The following SORBS2 variants were observed in gnomAD, a reference collection of about 807,000 sequenced individuals.
SORBS2 encodes sorbin and SH3 domain containing 2, also known as sorbin and SH3 domain-containing protein 2.
SORBS2 carries 46 observed loss-of-function variants against 97.7 expected under a neutral mutation model. That is an observed-to-expected ratio of 0.47 (90% confidence interval 0.37 to 0.60). The LOEUF (loss-of-function observed/expected upper bound fraction) is 0.60, where lower values mean the gene tolerates loss of function less well. Ranked by LOEUF, SORBS2 falls within the 20% of genes least tolerant of loss-of-function variation. The pLI is 0.00. For missense variants in SORBS2, 1,316 were observed against 1,282.3 expected (o/e 1.03, Z -0.40); for synonymous variants, 476 against 473.4 (o/e 1.01, Z -0.07).
In SORBS2 at chr4:185,623,508, C is replaced by T. The variant is rs2096754524; in HGVS notation, c.1621G>A (p.Gly541Arg). 1.2e-6 allele frequency: 2 copies of T among 1,613,590 alleles called. No homozygotes were observed. The highest frequency in any genetic ancestry group is 1.7e-5 in the Admixed American group (1 of 59,958). The stretch of plus-strand genomic sequence containing the variant: ...TGATGGTGGTGGTGGTGGCTGGATC[C>T]GTAAAAGCTTTCGGAGGATGTGAAG... Residue 541 changes from glycine (G) to arginine (R), a missense_variant, in exon 7 of 15, where the codon GGA becomes AGA. Gly to Arg is a moderately radical substitution (Grantham distance 125, BLOSUM62 -2). Transcript: ENST00000418609. This position sits in a 1 kb window ranked among gnomAD's most constrained non-coding sequence, Gnocchi z 6.4.
intron 4 of SORBS2, among the ~76,000 whole-genome samples, chr4:185,631,874 C>A (rs1458771019): frequency 1.3e-5 from 2 of 152,184 alleles, no homozygotes; most frequent in African/African-American, 4.8e-5. Context: ...TGCCTTTGGT[C>A]ATATTTGATG....
At chr4:185,816,873 C>T (rs992077889) in intron 1 of SORBS2, among the ~76,000 whole-genome samples, 6 of 152,156 alleles carry the variant, frequency 3.9e-5, no homozygotes, top group Non-Finnish European at 7.3e-5. Flanking sequence ...GTTCAACAAA[C>T]TGGAGAGAAA....
chr4:185,949,505 A>G (rs2099276136), intron 1 of SORBS2, among the ~76,000 whole-genome samples: 1 of 152,118 alleles, frequency 6.6e-6, no homozygotes, highest in Non-Finnish European at 1.5e-5. Context: ...CGGGGTTTTA[A>G]CTAAAGTCCA....
intron 11 of SORBS2, among the ~76,000 whole-genome samples, chr4:185,614,190 A>T (rs1157469814): frequency 2.0e-4 from 22 of 112,244 alleles, no homozygotes; most frequent in African/African-American, 7.5e-4. Context: ...TTTGAGATGG[A>T]ATCTCGCTCA....
intron 1 of SORBS2, among the ~76,000 whole-genome samples, chr4:185,855,032 A>G (rs2099220023): frequency 6.6e-6 from 1 of 152,212 alleles, no homozygotes; most frequent in African/African-American, 2.4e-5. Flanking sequence ...ACACACTTAA[A>G]TGACATAATA....
intron 2 of SORBS2, among the ~76,000 whole-genome samples, chr4:185,716,365 C>T (rs1334607163): frequency 6.6e-6 from 1 of 152,212 alleles, no homozygotes; most frequent in African/African-American, 2.4e-5. Flanking sequence ...AACAACGGTG[C>T]CAACCTCCTG....
chr4:185,626,803 ATTG>A (rs1253901811), intron 6 of SORBS2, 26 bp downstream of exon 18: 1 of 1,610,666 alleles, frequency 6.2e-7, no homozygotes, highest in Non-Finnish European at 8.5e-7. Flanking sequence ...AAACTAGTAA[ATTG>A]TTGTGTTTTC....
chr4:185,658,435 C>T (rs912869104), upstream of SORBS2, among the ~76,000 whole-genome samples: 4 of 151,948 alleles, frequency 2.6e-5, no homozygotes, highest in African/African-American at 7.3e-5. Context: ...TCATTATTAC[C>T]GTTCCTCTGG....
chr4:185,935,840 G>T (rs2099268663), intron 1 of SORBS2, among the ~76,000 whole-genome samples: 1 of 140,372 alleles, frequency 7.1e-6, no homozygotes, highest in East Asian at 2.2e-4. Context: ...TTAAGTGGGA[G>T]AGTAGTGAAC....
chr4:185,874,446 A>G (rs1477684595), intron 1 of SORBS2, among the ~76,000 whole-genome samples: 1 of 152,048 alleles, frequency 6.6e-6, no homozygotes, highest in Non-Finnish European at 1.5e-5. Flanking sequence ...CAGCACCTGG[A>G]ACAGGCCTGG....
intron 1 of SORBS2, among the ~76,000 whole-genome samples, chr4:185,880,803 G>A (rs2149776080): frequency 6.6e-6 from 1 of 152,300 alleles, no homozygotes; most frequent in East Asian, 1.9e-4. Flanking sequence ...CAAATAGACT[G>A]TGGTCAGACA....
chr4:185,645,815 T>G (rs1204422383), intron 4 of SORBS2: 2 of 152,290 alleles, frequency 1.3e-5, no homozygotes, highest in East Asian at 3.9e-4. Context: ...CTGTGGAGTT[T>G]CAAAGAAAAT....
In SORBS2 at chr4:185,596,709, A is replaced by G. The variant is rs190879485; in HGVS notation, c.2797-2774T>C. On this transcript the variant is annotated intron_variant, in intron 12 of 14. Transcript: ENST00000418609. ...ACCACCGTGCCCAGCTAATTTTTGT[A>G]TTTTTAGTAGAGACAGGGTTTCACC... Among the ~76,000 whole-genome samples, 29 of 151,514 alleles carry G rather than the reference A, an allele frequency of 1.9e-4. No individual in the cohort carries two copies. The East Asian group carries it at 5.1e-3, about 26-fold the overall frequency.
intron 1 of SORBS2, among the ~76,000 whole-genome samples, chr4:185,785,871 C>T (rs1488650022): frequency 6.6e-6 from 1 of 152,136 alleles, no homozygotes; most frequent in Non-Finnish European, 1.5e-5. Flanking sequence ...CCTCATTTTC[C>T]TCATCTGAGC....
intron 1 of SORBS2, among the ~76,000 whole-genome samples, chr4:185,934,023 T>C (rs2099267716): frequency 6.6e-6 from 1 of 152,190 alleles, no homozygotes; most frequent in African/African-American, 2.4e-5. Flanking sequence ...TCAAAGCATT[T>C]TTCCCCATAG....
chr4:185,689,462 C>T (rs2098046491), intron 2 of SORBS2, among the ~76,000 whole-genome samples: 1 of 152,162 alleles, frequency 6.6e-6, no homozygotes, highest in Non-Finnish European at 1.5e-5. Context: ...ATCAAGTTGC[C>T]TTTGTGTGGT....
intron 1 of SORBS2, among the ~76,000 whole-genome samples, chr4:185,827,729 C>CCATCACCAT (rs1262726686): frequency 2.3e-4 from 14 of 61,742 alleles, no homozygotes; most frequent in East Asian, 6.3e-4. Context: ...ACCATCATCA[C>CCATCACCAT]CATCATCATC....
chr4:185,756,927 C>T, intron 2 of SORBS2: 1 of 1,409,572 alleles, frequency 7.1e-7, no homozygotes, highest in Non-Finnish European at 1.0e-6. Flanking sequence ...TGAGTATTTT[C>T]ATTTCTGGGT....
intron 4 of SORBS2, among the ~76,000 whole-genome samples, chr4:185,640,775 G>T (rs905777843): frequency 7.9e-5 from 12 of 152,144 alleles, no homozygotes; most frequent in Non-Finnish European, 1.5e-5. Flanking sequence ...TAGGGTAACT[G>T]ACAGGAGAGA....
Sources: gnomAD v4.1 joint callset for allele counts (sites outside exome capture counted in the v4.1 genomes callset) on GRCh38, gnomAD v4.1.1 for gene constraint, Gnocchi (gnomAD v3.1) non-coding constraint, MANE v1.5 for transcripts, NCBI Gene and HGNC (gene_info 2026-07-23, HGNC 2026-07-21) for gene names.